Variants in CREB5 observed in about 807,000 individuals in gnomAD.
CREB5 encodes cAMP responsive element binding protein 5.
In CREB5, 19 loss-of-function variants were observed where a neutral mutation model predicts 57.1. The observed-to-expected ratio is 0.33, with a 90% CI of 0.23 to 0.49. The LOEUF (loss-of-function observed/expected upper bound fraction) is 0.49, where lower values mean the gene tolerates loss of function less well. Among genes scored for constraint, CREB5 ranks in the 20% least tolerant of loss-of-function variants. CREB5 has a pLI of 0.99. For missense variants in CREB5, 579 were observed against 671.6 expected, an observed-to-expected ratio of 0.86 and a Z score of 1.52; for synonymous variants, 238 against 238.3, an observed-to-expected ratio of 1.00 and a Z score of 0.01.
chr7:28,587,904 A>G (rs1453697785), intron 5 of CREB5, among the ~76,000 whole-genome samples: 1 of 151,956 alleles, frequency 6.6e-6, no homozygotes, highest in Non-Finnish European at 1.5e-5. Context: ...TCCCCATCCC[A>G]TTTCCTGACT....
intron 4 of CREB5, among the ~76,000 whole-genome samples, chr7:28,522,747 C>G (rs777743858): frequency 6.6e-6 from 1 of 152,178 alleles, no homozygotes; most frequent in African/African-American, 2.4e-5. Context: ...TGAGCTTCGT[C>G]TTAGCTCTGG....
intron 3 of CREB5, among the ~76,000 whole-genome samples, chr7:28,503,296 T>C (rs148054618): frequency 6.6e-6 from 1 of 152,322 alleles, no homozygotes; most frequent in African/African-American, 2.4e-5. Flanking sequence ...TAATTGATAA[T>C]CCTAACAACT....
rs188214358 is a variant in CREB5, at chr7:28,518,865, T to C, written c.291+11128T>C. ...GACGAGGGCAAGAAGTCAGCTCCAT[T>C]CCATCGCTCTCTAAAAGTCACACAT... On this transcript the variant is annotated intron_variant, in intron 4 of 10. Transcript: ENST00000357727. 1.3e-3 allele frequency among the ~76,000 whole-genome samples: 197 copies of C among 152,312 alleles called. 2 individuals are homozygous for C. The highest frequency in any genetic ancestry group is 0.012 in the Admixed American group (180 of 15,304).
chr7:28,566,535 A>G (rs1245605503), intron 4 of CREB5, among the ~76,000 whole-genome samples: 1 of 152,180 alleles, frequency 6.6e-6, no homozygotes, highest in African/African-American at 2.4e-5. Flanking sequence ...GTGTTTTTGA[A>G]ATTGGAGACT....
chr7:28,662,477 C>T (rs998231717), intron 5 of CREB5, among the ~76,000 whole-genome samples: 6 of 152,174 alleles, frequency 3.9e-5, no homozygotes, highest in African/African-American at 1.4e-4. Flanking sequence ...TTAAACTTGG[C>T]CCGCTCAAAC....
chr7:28,339,242 C>T (rs1458356097), intron 1 of CREB5, among the ~76,000 whole-genome samples: 1 of 152,040 alleles, frequency 6.6e-6, no homozygotes, highest in Non-Finnish European at 1.5e-5. Context: ...ACAGTATGGG[C>T]ATGTTTGTAG....
At chr7:28,587,869 C>T (rs1183197689) in intron 5 of CREB5, among the ~76,000 whole-genome samples, 1 of 152,188 alleles carries the variant, frequency 6.6e-6, no homozygotes, top group Non-Finnish European at 1.5e-5. Context: ...CCTAAAATGT[C>T]TCCATGGGCA....
At chr7:28,767,561 G>C (rs1453484121) in intron 7 of CREB5, among the ~76,000 whole-genome samples, 1 of 152,148 alleles carries the variant, frequency 6.6e-6, no homozygotes, top group Admixed American at 6.6e-5. Flanking sequence ...TTTCCAAGAT[G>C]AATCAGGGCA....
intron 9 of CREB5, among the ~76,000 whole-genome samples, chr7:28,817,522 C>A (rs1456171474): frequency 6.6e-6 from 1 of 152,186 alleles, no homozygotes; most frequent in African/African-American, 2.4e-5. Context: ...AGCCACAAAT[C>A]CTACCACATA....
intron 4 of CREB5, among the ~76,000 whole-genome samples, chr7:28,557,983 A>C (rs546623678): frequency 1.3e-5 from 2 of 152,306 alleles, no homozygotes; most frequent in African/African-American, 4.8e-5. Context: ...TGCTAGGAGA[A>C]ATTGATGAAG....
chr7:28,381,469 T>G (rs571558540), intron 1 of CREB5, among the ~76,000 whole-genome samples: 1 of 152,228 alleles, frequency 6.6e-6, no homozygotes, highest in East Asian at 1.9e-4. Flanking sequence ...CAAAATATCA[T>G]GTAGCTTTCG....
In CREB5 at chr7:28,564,623, G is replaced by C. The variant is rs1053142073; in HGVS notation, c.292-5742G>C. 7.2e-5 allele frequency among the ~76,000 whole-genome samples: 11 copies of C among 152,284 alleles called. No homozygotes were observed. The East Asian group carries it at 9.7e-4, about 13-fold the overall frequency. On this transcript the variant is annotated intron_variant, in intron 4 of 10. Coordinates refer to ENST00000357727, the MANE Select transcript of CREB5 (RefSeq NM_182898.4). ...ATGAATGGAGAGCAAAGCATCCCAA[G>C]ATACTTGAGGAAAGGAAGAAGTCAA...
At chr7:28,544,804 G>A (rs1794354147) in intron 4 of CREB5, among the ~76,000 whole-genome samples, 1 of 152,168 alleles carries the variant, frequency 6.6e-6, no homozygotes, top group Non-Finnish European at 1.5e-5. Flanking sequence ...GGGAGCTGGA[G>A]AGGTGGGAGG....
chr7:28,434,941 G>A (rs1328802268), intron 1 of CREB5, among the ~76,000 whole-genome samples: 2 of 132,832 alleles, frequency 1.5e-5, no homozygotes, highest in Non-Finnish European at 3.4e-5. Context: ...TTTCTTGAAT[G>A]GTGTTGTTTA....
At chr7:28,614,010 G>A (rs539868341) in intron 5 of CREB5, among the ~76,000 whole-genome samples, 2 of 152,260 alleles carry the variant, frequency 1.3e-5, no homozygotes, top group East Asian at 3.9e-4. Flanking sequence ...CCAGGCTGGA[G>A]TGCAGTGATG....
At chr7:28,650,043 CCCATTTACATCTG>C (rs1259159617) in intron 5 of CREB5, among the ~76,000 whole-genome samples, 2 of 152,168 alleles carry the variant, frequency 1.3e-5, no homozygotes, top group Non-Finnish European at 2.9e-5. Flanking sequence ...TTCTCCAATT[CCCATTTACATCTG>C]CCATTTACAT....
At chr7:28,440,539 C>T (rs1789144011) in intron 1 of CREB5, among the ~76,000 whole-genome samples, 1 of 152,176 alleles carries the variant, frequency 6.6e-6, no homozygotes, top group Non-Finnish European at 1.5e-5. Context: ...TTCCGTTTAT[C>T]TTTAACTAAT....
At chr7:28,382,037 A>C (rs1353150451) in intron 1 of CREB5, among the ~76,000 whole-genome samples, 1 of 152,244 alleles carries the variant, frequency 6.6e-6, no homozygotes, top group Admixed American at 6.5e-5. Flanking sequence ...GTGGAAGCCA[A>C]TGGTGTAGCT....
intron 1 of CREB5, among the ~76,000 whole-genome samples, chr7:28,451,296 C>T (rs565073844): frequency 6.6e-6 from 1 of 152,238 alleles, no homozygotes; most frequent in East Asian, 1.9e-4. Context: ...ATCTAAGATT[C>T]CTCAGATCTA....
Sources: gnomAD v4.1 joint callset for allele counts (sites outside exome capture counted in the v4.1 genomes callset) on GRCh38, gnomAD v4.1.1 for gene constraint, MANE v1.5 for transcripts, NCBI Gene and HGNC (gene_info 2026-07-23, HGNC 2026-07-21) for gene names.